The following CDH13 variants were observed in gnomAD, a reference collection of about 807,000 sequenced individuals.
The protein encoded by CDH13 is cadherin 13, also known as cadherin-13.
In CDH13, 24 loss-of-function variants were observed where a neutral mutation model predicts 63.8. The observed-to-expected ratio is 0.38, with a 90% confidence interval of 0.27 to 0.53. The LOEUF is 0.53. Ranked by LOEUF, CDH13 falls within the 20% of genes least tolerant of loss-of-function variation. CDH13 has a pLI of 0.85. For synonymous variants in CDH13, 503 were observed against 355.3 expected (o/e 1.42, Z -4.67); for missense variants, 1,049 against 903.1 (o/e 1.16, Z -2.07).
At chr16:83,694,857 G>A (rs571745194) in intron 10 of CDH13, among the ~76,000 whole-genome samples, 15 of 152,244 alleles carry the variant, frequency 9.9e-5, no homozygotes, top group South Asian at 4.2e-4. Context: ...AGGGGATACC[G>A]AAAAACTCAA....
chr16:83,661,604 C>G (rs943179565), intron 8 of CDH13, among the ~76,000 whole-genome samples: 1 of 152,166 alleles, frequency 6.6e-6, no homozygotes, highest in Non-Finnish European at 1.5e-5. Context: ...AGGGCAAAGA[C>G]CTGCTTTGTT....
intron 8 of CDH13, among the ~76,000 whole-genome samples, chr16:83,637,367 C>T (rs1336810671): frequency 1.3e-5 from 1 of 74,878 alleles, no homozygotes; most frequent in African/African-American, 5.2e-5. Flanking sequence ...TCTGAGGTAC[C>T]GGGTTCATCT....
At chr16:83,728,680 C>T (rs1197415284) in intron 10 of CDH13, among the ~76,000 whole-genome samples, 2 of 152,216 alleles carry the variant, frequency 1.3e-5, no homozygotes, top group South Asian at 4.2e-4. Context: ...TTACGACATG[C>T]CGTTTTTATT....
intron 6 of CDH13, among the ~76,000 whole-genome samples, chr16:83,381,458 A>G (rs1247971928): frequency 1.3e-5 from 2 of 152,042 alleles, no homozygotes; most frequent in Admixed American, 1.3e-4. Flanking sequence ...ATTTTTTAGC[A>G]CCGAGATCGC....
At chr16:83,492,504 A>G (rs2074037590) in intron 7 of CDH13, among the ~76,000 whole-genome samples, 1 of 152,062 alleles carries the variant, frequency 6.6e-6, no homozygotes, top group South Asian at 2.1e-4. Flanking sequence ...CATTTTTTTT[A>G]TCACTTGCTG....
chr16:83,767,700 A>T (rs1368270935), intron 11 of CDH13, among the ~76,000 whole-genome samples: 1 of 152,254 alleles, frequency 6.6e-6, no homozygotes, highest in African/African-American at 2.4e-5. Context: ...ACACTGCAAC[A>T]TGTACAACCC....
At chr16:83,291,217 T>G (rs1023681615) in intron 5 of CDH13, among the ~76,000 whole-genome samples, 2 of 152,234 alleles carry the variant, frequency 1.3e-5, no homozygotes, top group Non-Finnish European at 2.9e-5. Context: ...AATCACTTAA[T>G]AAATCAGAAA....
chr16:83,496,192 G>A (rs963129498), intron 7 of CDH13, among the ~76,000 whole-genome samples: 21 of 151,796 alleles, frequency 1.4e-4, no homozygotes, highest in African/African-American at 4.9e-4. Context: ...AAAAGAGCCC[G>A]CATCGCCAAG....
chr16:83,359,298 A>T (rs1286847378), intron 6 of CDH13, among the ~76,000 whole-genome samples: 2 of 152,190 alleles, frequency 1.3e-5, no homozygotes, highest in Non-Finnish European at 2.9e-5. Context: ...TCTTTTGATC[A>T]TGAGGCTAAT....
intron 3 of CDH13, among the ~76,000 whole-genome samples, chr16:83,061,948 G>T (rs2031592378): frequency 6.6e-6 from 1 of 152,208 alleles, no homozygotes; most frequent in African/African-American, 2.4e-5. Flanking sequence ...TGTGAGAACT[G>T]TGATTTGGAG....
intron 8 of CDH13, among the ~76,000 whole-genome samples, chr16:83,635,468 C>T (rs981601278): frequency 2.0e-5 from 3 of 150,084 alleles, no homozygotes; most frequent in Middle Eastern, 3.5e-3. Context: ...CTCAGCCTCC[C>T]GAGTAGCTAG....
chr16:82,805,942 T>A (rs1483872530), intron 1 of CDH13, among the ~76,000 whole-genome samples: 2 of 152,204 alleles, frequency 1.3e-5, no homozygotes, highest in African/African-American at 2.4e-5. Flanking sequence ...TACCAGTTGG[T>A]GAAAACTTTA....
chr16:83,490,260 G>GGAGA (rs2073983657), intron 7 of CDH13, among the ~76,000 whole-genome samples: 1 of 152,156 alleles, frequency 6.6e-6, no homozygotes, highest in African/African-American at 2.4e-5. Context: ...TTTAACCAAG[G>GGAGA]GAGAGGCAGA....
chr16:82,839,652 G>C (rs1180382572), intron 1 of CDH13, among the ~76,000 whole-genome samples: 1 of 152,090 alleles, frequency 6.6e-6, no homozygotes, highest in Non-Finnish European at 1.5e-5. Flanking sequence ...GGCCAGATGG[G>C]GTCTGTGGCC....
At chr16:83,180,112 T>A (rs998009406) in intron 4 of CDH13, among the ~76,000 whole-genome samples, 1 of 152,198 alleles carries the variant, frequency 6.6e-6, no homozygotes, top group East Asian at 1.9e-4. Context: ...TTAAATTTCA[T>A]TGGTTTAATT....
chr16:83,259,251 T>G (rs1906667639), intron 5 of CDH13, among the ~76,000 whole-genome samples: 1 of 152,170 alleles, frequency 6.6e-6, no homozygotes, highest in African/African-American at 2.4e-5. Flanking sequence ...ATCTGTGAAG[T>G]GGAGCTAATG....
intron 3 of CDH13, among the ~76,000 whole-genome samples, chr16:83,082,936 A>C (rs1401160204): frequency 6.6e-6 from 1 of 152,120 alleles, no homozygotes; most frequent in Non-Finnish European, 1.5e-5. Context: ...CTATTCCCAG[A>C]CAGTGTGTTT....
intron 7 of CDH13, among the ~76,000 whole-genome samples, chr16:83,548,142 G>A (rs1441333848): frequency 1.3e-5 from 2 of 152,068 alleles, no homozygotes; most frequent in African/African-American, 2.4e-5. Context: ...AGGTGGGAGA[G>A]AATGGTCACT....
chr16:83,753,999 T>C (rs1913301901), intron 11 of CDH13, among the ~76,000 whole-genome samples: 1 of 151,916 alleles, frequency 6.6e-6, no homozygotes, highest in East Asian at 1.9e-4. Context: ...AGAGTCAGGC[T>C]TGGCCCATGC....
Sources: gnomAD v4.1 joint callset for allele counts (sites outside exome capture counted in the v4.1 genomes callset) on GRCh38, gnomAD v4.1.1 for gene constraint, MANE v1.5 for transcripts, NCBI Gene and HGNC (gene_info 2026-07-23, HGNC 2026-07-21) for gene names.